The following ADARB2 variants were observed in gnomAD, a reference collection of about 807,000 sequenced individuals.
The protein encoded by ADARB2 is adenosine deaminase RNA specific B2 (inactive).
In ADARB2, 25 loss-of-function variants were observed where a neutral mutation model predicts 62.2. The observed-to-expected ratio is 0.40, with a 90% CI of 0.29 to 0.56. ADARB2 has a LOEUF of 0.56. ADARB2 is among the 20% of genes least tolerant of loss of function. The pLI is 0.43. For synonymous variants in ADARB2, 572 were observed against 500.8 expected, an observed-to-expected ratio of 1.14 and a Z score of -1.90; for missense variants, 1,071 against 1,077.4, an observed-to-expected ratio of 0.99 and a Z score of 0.08.
intron 1 of ADARB2, among the ~76,000 whole-genome samples, chr10:1,592,385 TC>T (rs1564341081): frequency 7.2e-5 from 6 of 83,176 alleles, no homozygotes; most frequent in Admixed American, 2.3e-4. Context: ...CCAGCTCCCT[TC>T]GCCCAAGCCA....
chr10:1,680,288 C>T (rs959582312), intron 1 of ADARB2, among the ~76,000 whole-genome samples: 4 of 152,116 alleles, frequency 2.6e-5, no homozygotes, highest in Non-Finnish European at 5.9e-5. Flanking sequence ...GAAGCATTCT[C>T]TCATCATCCA....
chr10:1,187,148 T>C (rs1230586135), intron 8 of ADARB2, among the ~76,000 whole-genome samples: 1 of 152,200 alleles, frequency 6.6e-6, no homozygotes, highest in Non-Finnish European at 1.5e-5. Flanking sequence ...GCTCTTCCTT[T>C]TTCCTTCAAG....
At chr10:1,494,478 G>T (rs1002058185) in intron 1 of ADARB2, among the ~76,000 whole-genome samples, 3 of 152,276 alleles carry the variant, frequency 2.0e-5, no homozygotes, top group East Asian at 3.9e-4. Context: ...AAGCAAAAAT[G>T]ACCCTTTGTT....
In ADARB2 at chr10:1,445,299, C is replaced by T. The variant is rs145347707; in HGVS notation, c.101-66139G>A. 6.7e-4 allele frequency among the ~76,000 whole-genome samples: 101 copies of T among 151,742 alleles called. 1 individual carries two copies. Among genetic ancestry groups the T allele is most frequent in the Middle Eastern group, 3.5e-3 (1 of 288 alleles). ...CCACCCACCCACCCATCTATTCATT[C>T]ACCATCCGCCTACATCCATCCTTTC... On this transcript the variant is annotated intron_variant, in intron 1 of 9. Coordinates refer to ENST00000381312, the MANE Select transcript of ADARB2 (RefSeq NM_018702.4).
intron 1 of ADARB2, among the ~76,000 whole-genome samples, chr10:1,649,897 C>T (rs1834088803): frequency 6.6e-6 from 1 of 152,174 alleles, no homozygotes; most frequent in African/African-American, 2.4e-5. Flanking sequence ...TTACCTGAGA[C>T]GATTTCTGAA....
intron 4 of ADARB2, among the ~76,000 whole-genome samples, chr10:1,262,243 GTAAC>G (rs1357191406): frequency 6.8e-6 from 1 of 146,922 alleles, no homozygotes; most frequent in African/African-American, 2.6e-5. Context: ...GTATGCATAT[GTAAC>G]TAACCTGCAC....
intron 1 of ADARB2, among the ~76,000 whole-genome samples, chr10:1,539,198 G>T (rs936938495): frequency 6.6e-6 from 1 of 152,212 alleles, no homozygotes; most frequent in Non-Finnish European, 1.5e-5. Flanking sequence ...CTGGGATTAT[G>T]CACCTTACTT....
chr10:1,354,159 G>A (rs542185484), intron 3 of ADARB2, among the ~76,000 whole-genome samples: 288 of 151,830 alleles, frequency 1.9e-3, no homozygotes, highest in African/African-American at 6.3e-3. Flanking sequence ...AAAAATTTTC[G>A]CCGCCCCAAT....
chr10:1,568,216 C>T (rs982565742), intron 1 of ADARB2, among the ~76,000 whole-genome samples: 2 of 152,194 alleles, frequency 1.3e-5, no homozygotes, highest in Non-Finnish European at 2.9e-5. Flanking sequence ...TTGGCCAGGC[C>T]TCCGCTGTCC....
intron 1 of ADARB2, among the ~76,000 whole-genome samples, chr10:1,540,726 TCCCAC>T (rs1832412102): frequency 3.8e-5 from 2 of 52,992 alleles, no homozygotes. Context: ...TCCGTCCAGA[TCCCAC>T]TCAGACGTAG....
intron 1 of ADARB2, among the ~76,000 whole-genome samples, chr10:1,728,515 G>A (rs971175936): frequency 2.6e-5 from 4 of 152,076 alleles, no homozygotes; most frequent in Admixed American, 2.0e-4. Context: ...CCTCTACGTC[G>A]TGTGCATATA....
chr10:1,651,317 C>T (rs970574387), intron 1 of ADARB2, among the ~76,000 whole-genome samples: 1 of 152,220 alleles, frequency 6.6e-6, no homozygotes, highest in African/African-American at 2.4e-5. Context: ...GGCGAAGGCC[C>T]CATCTGGGCA....
intron 1 of ADARB2, among the ~76,000 whole-genome samples, chr10:1,637,556 T>C (rs1316063558): frequency 1.3e-5 from 2 of 152,214 alleles, no homozygotes; most frequent in Admixed American, 6.5e-5. Flanking sequence ...AATAACGTAT[T>C]TGTTCCTTGA....
At chr10:1,722,188 G>A (rs1835101640) in intron 1 of ADARB2, among the ~76,000 whole-genome samples, 1 of 152,104 alleles carries the variant, frequency 6.6e-6, no homozygotes, top group Admixed American at 6.5e-5. Context: ...TGTTTTCTTG[G>A]GAGGGTCGCA....
chr10:1,234,737 C>CTTTTTTTTTTTTTTTTTTTTTTTTTTTT, intron 5 of ADARB2, among the ~76,000 whole-genome samples: 1 of 53,606 alleles, frequency 1.9e-5, no homozygotes, highest in Non-Finnish European at 3.3e-5. Flanking sequence ...CGACCATGAT[C>CTTTTTTTTTTTTTTTTTTTTTTTTTTTT]TTTTTTTTTT....
At chr10:1,688,194 G>T (rs1419387919) in intron 1 of ADARB2, among the ~76,000 whole-genome samples, 1 of 152,232 alleles carries the variant, frequency 6.6e-6, no homozygotes, top group Admixed American at 6.5e-5. Context: ...TTGAGTCCCA[G>T]TGAAGCCTGT....
intron 1 of ADARB2, among the ~76,000 whole-genome samples, chr10:1,521,705 G>A (rs1832075714): frequency 6.6e-6 from 1 of 152,074 alleles, no homozygotes; most frequent in South Asian, 2.1e-4. Flanking sequence ...CCAGGACTTT[G>A]GACAAATTCA....
At chr10:1,343,192 A>T (rs1392074571) in intron 3 of ADARB2, among the ~76,000 whole-genome samples, 2 of 152,178 alleles carry the variant, frequency 1.3e-5, no homozygotes, top group African/African-American at 4.8e-5. Context: ...CCCCATAAAA[A>T]AGTGGGCAAA....
At chr10:1,444,568 C>T (rs553018478) in intron 1 of ADARB2, among the ~76,000 whole-genome samples, 2 of 151,254 alleles carry the variant, frequency 1.3e-5, no homozygotes, top group African/African-American at 4.9e-5. Flanking sequence ...TCCATCCATC[C>T]ACCCACCACT....
Sources: allele counts gnomAD v4.1 joint callset (sites outside exome capture counted in the v4.1 genomes callset), GRCh38; gene constraint gnomAD v4.1.1; transcripts MANE v1.5; gene names NCBI Gene and HGNC (gene_info 2026-07-23, HGNC 2026-07-21).